Variants in ANAPC5 observed in about 807,000 individuals in gnomAD.
ANAPC5 encodes anaphase promoting complex subunit 5.
ANAPC5 carries 60 observed loss-of-function variants against 91.3 expected under a neutral mutation model. That is an observed-to-expected ratio of 0.66 (90% CI 0.53 to 0.81). The LOEUF (loss-of-function observed/expected upper bound fraction) is 0.81, where lower values mean the gene tolerates loss of function less well. Among genes scored for constraint, ANAPC5 ranks in the 40% least tolerant of loss-of-function variants. ANAPC5 has a pLI of 0.00. For missense variants in ANAPC5, 690 were observed against 931.5 expected (o/e 0.74, Z 3.37); for synonymous variants, 340 against 364.1 (o/e 0.93, Z 0.75).
At chr12:121,319,901 A>G in intron 12 of ANAPC5, 83 bp from the exon 13 acceptor site, 1 of 1,327,078 alleles carries the variant, frequency 7.5e-7, no homozygotes, top group Non-Finnish European at 1.0e-6. Context: ...TGGATTGCTT[A>G]GCAAATATCC....
At chr12:121,324,590 A>T (rs1555272125) in intron 11 of ANAPC5, among the ~76,000 whole-genome samples, 3 of 152,216 alleles carry the variant, frequency 2.0e-5, no homozygotes, top group African/African-American at 7.2e-5. Flanking sequence ...GAACAAAGTT[A>T]CAAGGCTAAA....
At chr12:121,316,259 C>G (rs1283570570) in intron 15 of ANAPC5, among the ~76,000 whole-genome samples, 2 of 152,032 alleles carry the variant, frequency 1.3e-5, no homozygotes, top group African/African-American at 4.8e-5. Flanking sequence ...TTCATACCCA[C>G]TAGGAAGGAT....
intron 11 of ANAPC5, among the ~76,000 whole-genome samples, chr12:121,322,183 G>C (rs909716040): frequency 6.9e-5 from 10 of 145,706 alleles, no homozygotes; most frequent in South Asian, 2.2e-4. Flanking sequence ...TTTTGAGAGG[G>C]AGTCTCACTG....
At chr12:121,319,114 A>C (rs2668242) in intron 13 of ANAPC5, among the ~76,000 whole-genome samples, 5,131 of 114,890 alleles carry the variant, frequency 0.045, 303 homozygotes, top group African/African-American at 0.15. Context: ...TGTATACACA[A>C]ACACACACAC....
intron 11 of ANAPC5, chr12:121,320,794 G>C (rs996746790): frequency 5.7e-6 from 1 of 175,206 alleles, no homozygotes; most frequent in African/African-American, 2.4e-5. Flanking sequence ...TAGTAGAGAC[G>C]GGGTTTCACT....
At chr12:121,319,608 G>A in intron 13 of ANAPC5, 89 bp downstream of exon 13, 2 of 1,358,166 alleles carry the variant, frequency 1.5e-6, no homozygotes, top group East Asian at 5.2e-5. Flanking sequence ...TTTTTTCTAA[G>A]CTAAAATAAA....
At chr12:121,349,720 A>ATTTTTT in intron 1 of ANAPC5, among the ~76,000 whole-genome samples, 1 of 138,308 alleles carries the variant, frequency 7.2e-6, no homozygotes, top group Non-Finnish European at 1.5e-5. Context: ...CACTGTTTCT[A>ATTTTTT]TTTTTTTTTT....
At chr12:121,345,807 G>T (rs782730699) in intron 4 of ANAPC5, 32 bp downstream of exon 4, 1 of 1,588,114 alleles carries the variant, frequency 6.3e-7, no homozygotes, top group South Asian at 1.1e-5. Flanking sequence ...TATTTCACAG[G>T]AAAAGGATCC....
chr12:121,331,531 T>G (rs990227725), intron 7 of ANAPC5, 103 bp from the exon 8 acceptor site: 74 of 938,146 alleles, frequency 7.9e-5, no homozygotes, highest in Middle Eastern at 4.4e-4. Flanking sequence ...TGCAGGTCTC[T>G]GGGTTGGAAG....
At chr12:121,324,754 T>C (rs1431730434) in intron 11 of ANAPC5, among the ~76,000 whole-genome samples, 2 of 152,038 alleles carry the variant, frequency 1.3e-5, no homozygotes, top group Non-Finnish European at 2.9e-5. Flanking sequence ...TTAAAATAAT[T>C]AGCTGGATGA....
chr12:121,314,782 C>G (rs1381700057), intron 15 of ANAPC5, among the ~76,000 whole-genome samples: 1 of 151,884 alleles, frequency 6.6e-6, no homozygotes, highest in African/African-American at 2.4e-5. Context: ...GCACCACCAC[C>G]ACTACACTCA....
chr12:121,311,642 G>T (rs1431388355), intron 15 of ANAPC5, among the ~76,000 whole-genome samples: 1 of 152,054 alleles, frequency 6.6e-6, no homozygotes, highest in African/African-American at 2.4e-5. Flanking sequence ...AGACCAGCCT[G>T]GGTAACATGG....
chr12:121,339,880 T>TG (rs1903378644), intron 5 of ANAPC5, among the ~76,000 whole-genome samples: 1 of 149,732 alleles, frequency 6.7e-6, no homozygotes, highest in South Asian at 2.1e-4. Flanking sequence ...TTTTTTTTTT[T>TG]TTTTTTTTTT....
At chr12:121,313,014 G>C (rs1302610776) in intron 15 of ANAPC5, among the ~76,000 whole-genome samples, 1 of 152,170 alleles carries the variant, frequency 6.6e-6, no homozygotes, top group Non-Finnish European at 1.5e-5. Context: ...ATCAATAAGC[G>C]AATCTTCCAC....
At chr12:121,323,439 C>T (rs1902696733) in intron 11 of ANAPC5, among the ~76,000 whole-genome samples, 1 of 152,066 alleles carries the variant, frequency 6.6e-6, no homozygotes, top group Non-Finnish European at 1.5e-5. Context: ...ATCCTCCCAC[C>T]TCAGCCTCCC....
rs1021325792 is a variant in ANAPC5 at position 121,320,545 on chromosome 12, C to T, written c.1441-86G>A. The T allele has an allele frequency of 3.6e-6, 4 of 1,122,520 alleles. No homozygotes were observed. In the South Asian group the frequency reaches 6.0e-5, roughly 17 times the overall value. The allele number at this position is 1,122,520 out of a possible 1,614,324, so 69.5% of individuals were successfully genotyped here. A position where few individuals can be genotyped will look rare whatever the true frequency, so the allele number is the denominator to read the frequency against. On this transcript the variant is annotated intron_variant, in intron 11 of 16. Coordinates refer to ENST00000261819, the MANE Select transcript of ANAPC5 (RefSeq NM_016237.5). ...CATGCACAGATGGTGACAGATTCAC[C>T]TGTTCCCGTTCTTGATGCAGCAACC...
At chr12:121,327,019 T>C in intron 11 of ANAPC5, 77 bp downstream of exon 11, 1 of 1,501,000 alleles carries the variant, frequency 6.7e-7, no homozygotes, top group Non-Finnish European at 8.8e-7. Context: ...TGTCCAGTGC[T>C]TTCCTCAAGC....
intron 15 of ANAPC5, among the ~76,000 whole-genome samples, chr12:121,311,971 CTAACATATA>C (rs1566177839): frequency 6.6e-6 from 1 of 152,060 alleles, no homozygotes; most frequent in Non-Finnish European, 1.5e-5. Flanking sequence ...TGAACTGGCC[CTAACATATA>C]TATATAAAGC....
chr12:121,341,049 G>T (rs1173204676), intron 5 of ANAPC5, among the ~76,000 whole-genome samples: 1 of 152,082 alleles, frequency 6.6e-6, no homozygotes, highest in East Asian at 1.9e-4. Context: ...AAATGTTTGG[G>T]CTGGGCGTGG....
Sources: gnomAD v4.1 joint callset for allele counts (sites outside exome capture counted in the v4.1 genomes callset) on GRCh38, gnomAD v4.1.1 for gene constraint, MANE v1.5 for transcripts, NCBI Gene and HGNC (gene_info 2026-07-23, HGNC 2026-07-21) for gene names.